The following ABTB2 variants were observed in gnomAD, a reference collection of about 807,000 sequenced individuals.
ABTB2 encodes the protein ankyrin repeat and BTB/POZ domain-containing protein 2.
A neutral mutation model predicts 104.1 loss-of-function variants in ABTB2; 56 were observed. The observed-to-expected ratio is 0.54, with a 90% CI of 0.43 to 0.67. ABTB2 has a LOEUF of 0.67. ABTB2 is among the 30% of genes least tolerant of loss of function. The probability of loss-of-function intolerance (pLI) is 0.00; values close to 1 mark genes in which losing one functional copy is unlikely to be tolerated. For synonymous variants in ABTB2, 606 were observed against 608.2 expected (o/e 1.00, Z 0.05); for missense variants, 1,279 against 1,407.7 (o/e 0.91, Z 1.46).
chr11:34,152,632 C>G (rs775301186), intron 16 of ABTB2, 48 bp from the exon 17 acceptor site: 32 of 1,538,556 alleles, frequency 2.1e-5, no homozygotes, highest in Non-Finnish European at 2.2e-5. Flanking sequence ...TTAGTACAGC[C>G]CCACTCACCC....
chr11:34,162,221 C>T (rs1028345227), intron 10 of ABTB2, among the ~76,000 whole-genome samples: 5 of 152,254 alleles, frequency 3.3e-5, no homozygotes, highest in African/African-American at 1.2e-4. Context: ...ACTGCCGCCT[C>T]ACAGCGTGGA....
At chr11:34,162,371 G>A (rs550843166) in intron 10 of ABTB2, among the ~76,000 whole-genome samples, 1 of 152,354 alleles carries the variant, frequency 6.6e-6, no homozygotes, top group African/African-American at 2.4e-5. Flanking sequence ...GCACTGTTGA[G>A]CACTGTCTGA....
intron 1 of ABTB2, among the ~76,000 whole-genome samples, chr11:34,298,045 T>G (rs981900921): frequency 1.9e-4 from 29 of 151,836 alleles, no homozygotes; most frequent in African/African-American, 6.8e-4. Context: ...ACCTTGATCC[T>G]GGACTTCCTA....
At position 34,202,631 on chromosome 11, in the gene ABTB2, G is replaced by C. The variant is rs1239187252; in HGVS notation, c.1030+1913C>G. 3.3e-5 allele frequency among the ~76,000 whole-genome samples: 5 copies of C among 152,092 alleles called. 1 individual carries two copies. The highest frequency in any genetic ancestry group is 7.3e-5 in the Non-Finnish European group (5 of 68,028). On this transcript the variant is annotated intron_variant, in intron 2 of 16. Transcript: ENST00000435224. ...CAAAGTGGGGAATCACTTGAGGTGA[G>C]GAGTTCGAGACCAGCCTGGCCAACA...
At chr11:34,206,748 G>A (rs944265459) in intron 1 of ABTB2, among the ~76,000 whole-genome samples, 10 of 152,256 alleles carry the variant, frequency 6.6e-5, no homozygotes, top group African/African-American at 2.4e-4. Flanking sequence ...GCCTCAGTGT[G>A]TTCTCTGACC....
At position 34,219,669 on chromosome 11, in the gene ABTB2, T is replaced by C. The variant is rs151054996; in HGVS notation, c.884-14979A>G. ...AGAAATATGTACCATTGTGTTACAA[T>C]TGTCTACAGCATTCAGTACAGTAAC... On this transcript the variant is annotated intron_variant, in intron 1 of 16. Transcript: ENST00000435224. 4.6e-5 allele frequency among the ~76,000 whole-genome samples: 7 copies of C among 152,350 alleles called. No individual in the cohort carries two copies. In the East Asian group the frequency reaches 9.6e-4, roughly 21 times the overall value.
chr11:34,288,463 T>A (rs1854529956), intron 1 of ABTB2, among the ~76,000 whole-genome samples: 1 of 152,192 alleles, frequency 6.6e-6, no homozygotes, highest in African/African-American at 2.4e-5. Flanking sequence ...AGATTTCCAA[T>A]AGCTGGGTCC....
chr11:34,222,836 G>A (rs987849004), intron 1 of ABTB2, among the ~76,000 whole-genome samples: 1 of 152,172 alleles, frequency 6.6e-6, no homozygotes, highest in African/African-American at 2.4e-5. Flanking sequence ...TTTGCACACA[G>A]AACCAAAATA....
At chr11:34,231,009 C>T (rs1853763270) in intron 1 of ABTB2, among the ~76,000 whole-genome samples, 3 of 152,154 alleles carry the variant, frequency 2.0e-5, no homozygotes, top group Admixed American at 1.3e-4. Context: ...CCGCACACAG[C>T]AGATCCTAGA....
Position 34,173,251 on chromosome 11 carries a change from G to A in ABTB2, c.1301C>T (p.Ala434Val), listed in dbSNP as rs1383849882. ...MEWMRVAITYAEHRRSLTVDS... is the reference protein window; with the variant it reads ...MEWMRVAITYVEHRRSLTVDS... ...CACGGTGAGGCTGCGGCGGTGCTCTGCGTAGGTGATGGCCACGCGCATCCA... is the reference window on the plus strand; with the variant it reads ...CACGGTGAGGCTGCGGCGGTGCTCTACGTAGGTGATGGCCACGCGCATCCA... The change falls in exon 4 of 17, where the codon GCA becomes GTA. Residue 434 changes from alanine (A) to valine (V), a missense_variant. Physicochemically the swap from Ala to Val is moderately conservative, Grantham distance 64 (BLOSUM62 0). Transcript: ENST00000435224. The A allele has an allele frequency of 6.2e-7, 1 of 1,611,980 alleles. No homozygotes were observed. Among genetic ancestry groups the A allele is most frequent in the South Asian group, 1.1e-5 (1 of 90,674 alleles).
rs375459061 is a variant in ABTB2 at position 34,169,206 on chromosome 11, AC to A, written c.1564-1215del. ...CATCTGTATACAATTTGGAGTTTAA[AC>A]CAAATGACGGGCCCGGTGAGGAGAC... On this transcript the variant is annotated intron_variant, in intron 5 of 16. Coordinates refer to ENST00000435224, the MANE Select transcript of ABTB2 (RefSeq NM_145804.3). 4.0e-3 allele frequency among the ~76,000 whole-genome samples: 607 copies of A among 152,226 alleles called. 6 individuals are homozygous for A. The highest frequency in any genetic ancestry group is 0.014 in the African/African-American group (568 of 41,504).
At chr11:34,155,609 TCTGTCAAGACCGGCC>T (rs1852614336) in intron 14 of ABTB2, among the ~76,000 whole-genome samples, 1 of 152,244 alleles carries the variant, frequency 6.6e-6, no homozygotes, top group Non-Finnish European at 1.5e-5. Flanking sequence ...ACAGTCGGGC[TCTGTCAAGACCGGCC>T]CTGAGGCTGC....
intron 1 of ABTB2, among the ~76,000 whole-genome samples, chr11:34,261,476 T>C (rs986020577): frequency 6.7e-5 from 10 of 149,724 alleles, no homozygotes; most frequent in Non-Finnish European, 1.5e-4. Context: ...TTACTCCAAT[T>C]GCATTATATA....
intron 3 of ABTB2, among the ~76,000 whole-genome samples, chr11:34,186,423 C>T (rs2133028602): frequency 6.6e-6 from 1 of 152,346 alleles, no homozygotes; most frequent in Middle Eastern, 3.4e-3. Context: ...TCCTGAGGGT[C>T]TGAATGCTCT....
chr11:34,209,575 G>A (rs1353729423), intron 1 of ABTB2, among the ~76,000 whole-genome samples: 1 of 27,432 alleles, frequency 3.6e-5, no homozygotes, highest in Admixed American at 4.1e-4. Context: ...GAGGGTAGGC[G>A]TGGGGGTGAG....
chr11:34,341,992 T>G (rs914482951), intron 1 of ABTB2, among the ~76,000 whole-genome samples: 9 of 152,168 alleles, frequency 5.9e-5, no homozygotes, highest in Non-Finnish European at 1.5e-5. Context: ...GACAAATGCC[T>G]TTGGCTTATG....
At chr11:34,188,001 T>C (rs1442155541) in intron 3 of ABTB2, among the ~76,000 whole-genome samples, 4 of 152,240 alleles carry the variant, frequency 2.6e-5, no homozygotes, top group African/African-American at 9.6e-5. Flanking sequence ...ACAGTGATTA[T>C]TCTGATAATA....
intron 1 of ABTB2, among the ~76,000 whole-genome samples, chr11:34,332,652 C>T (rs1326016822): frequency 2.6e-5 from 4 of 152,068 alleles, no homozygotes; most frequent in East Asian, 1.9e-4. Flanking sequence ...GACCACCCCC[C>T]GAGCCCAGGG....
intron 10 of ABTB2, among the ~76,000 whole-genome samples, chr11:34,161,583 C>T (rs908562920): frequency 1.3e-5 from 2 of 152,172 alleles, no homozygotes; most frequent in Non-Finnish European, 2.9e-5. Flanking sequence ...TTGAAACGAA[C>T]CCGGTCCTAT....
Sources: allele counts gnomAD v4.1 joint callset (sites outside exome capture counted in the v4.1 genomes callset), GRCh38; gene constraint gnomAD v4.1.1; transcripts MANE v1.5; gene names NCBI Gene and HGNC (gene_info 2026-07-23, HGNC 2026-07-21).